The following SLC45A4 variants were observed in gnomAD, a reference collection of about 807,000 sequenced individuals.
SLC45A4 encodes the protein solute carrier family 45 member 4, also known as polyamine-transporter SLC45A4.
SLC45A4 carries 32 observed loss-of-function variants against 63.7 expected under a neutral mutation model. The ratio of observed to expected loss-of-function variants is 0.50; its 90% CI spans 0.38 to 0.67. SLC45A4 has a LOEUF of 0.67. SLC45A4 is among the 30% of genes least tolerant of loss of function. The pLI is 0.00. For missense variants in SLC45A4, 1,027 were observed against 1,157.7 expected (o/e 0.89, Z 1.64); for synonymous variants, 535 against 510.0 (o/e 1.05, Z -0.66).
intron 1 of SLC45A4, among the ~76,000 whole-genome samples, chr8:141,264,742 C>T (rs975834130): frequency 2.6e-5 from 4 of 152,228 alleles, no homozygotes; most frequent in African/African-American, 9.6e-5. Flanking sequence ...CTTCCATGGT[C>T]TTCCACATTG....
intron 1 of SLC45A4, among the ~76,000 whole-genome samples, chr8:141,281,142 C>T (rs1003280195): frequency 1.3e-5 from 2 of 152,098 alleles, no homozygotes; most frequent in African/African-American, 2.4e-5. Flanking sequence ...AGTTCGAGAC[C>T]AGCCTGGCCA....
chr8:141,243,861 A>G (rs1254088484), intron 2 of SLC45A4, among the ~76,000 whole-genome samples: 1 of 152,182 alleles, frequency 6.6e-6, no homozygotes, highest in Admixed American at 6.5e-5. Flanking sequence ...TAATTTTCTT[A>G]GCTATGTTTT....
chr8:141,255,401 T>C (rs887949664), intron 1 of SLC45A4, among the ~76,000 whole-genome samples: 2 of 152,160 alleles, frequency 1.3e-5, no homozygotes, highest in Admixed American at 6.5e-5. Context: ...CTGTAGACCC[T>C]GCCTGGAGAG....
chr8:141,207,256 G>A lies in SLC45A4; in HGVS notation c.*4316C>T, dbSNP rs1399823885. ...GGTTCTGTGTGCATGGAGGAAATCA[G>A]GGCGCCGCACAGCTGAACCCTGCGC... On this transcript the variant is annotated 3_prime_UTR_variant, in exon 9 of 9. Transcript: ENST00000517878. 2 of 152,400 alleles carry A rather than the reference G, an allele frequency of 1.3e-5. No homozygotes were observed. Among genetic ancestry groups the A allele is most frequent in the Non-Finnish European group, 2.9e-5 (2 of 68,158 alleles). 9.4% of individuals were successfully genotyped at this position (152,400 alleles called of 1,614,324 possible).
chr8:141,280,674 C>T (rs1335950237), intron 1 of SLC45A4, among the ~76,000 whole-genome samples: 3 of 152,268 alleles, frequency 2.0e-5, no homozygotes, highest in East Asian at 3.9e-4. Context: ...TGTGTTTTTG[C>T]CCCACCCGTA....
rs1827245517 is a variant in SLC45A4 at position 141,229,805 on chromosome 8, A to C, written c.242-8040T>G. ...CAGAAATGCTCGGCTCTGAGCTTGC[A>C]GCCCACCCCACTCTGGCTGCGGGAC... is the stretch of plus-strand genomic sequence containing the variant. On this transcript the variant is annotated intron_variant, in intron 2 of 8. Transcript: ENST00000517878. The surrounding 1 kb of genome is among the most constrained non-coding windows in gnomAD (Gnocchi z 5.0). Among the ~76,000 whole-genome samples the C allele has an allele frequency of 6.6e-6, 1 of 152,066 alleles. No individual in the cohort carries two copies. Among genetic ancestry groups the C allele is most frequent in the Admixed American group, 6.6e-5 (1 of 15,264 alleles).
intron 2 of SLC45A4, among the ~76,000 whole-genome samples, chr8:141,252,975 G>A (rs72681579): frequency 0.28 from 40,619 of 143,162 alleles, 5,988 homozygotes; most frequent in East Asian, 0.4. Context: ...GCGTGTCCGC[G>A]AATTTCCGTG....
intron 1 of SLC45A4, among the ~76,000 whole-genome samples, chr8:141,304,122 C>G (rs918831330): frequency 6.6e-6 from 1 of 152,140 alleles, no homozygotes; most frequent in African/African-American, 2.4e-5. Flanking sequence ...CAGCCCAGCC[C>G]CTCTAACTTA....
chr8:141,246,884 G>C (rs1026390006), intron 2 of SLC45A4, among the ~76,000 whole-genome samples: 7 of 152,204 alleles, frequency 4.6e-5, no homozygotes, highest in African/African-American at 1.7e-4. Context: ...GGAGGCTGAG[G>C]CAGGAGGATT....
intron 1 of SLC45A4, among the ~76,000 whole-genome samples, chr8:141,280,142 C>G (rs1829880912): frequency 6.6e-6 from 1 of 152,222 alleles, no homozygotes; most frequent in Admixed American, 6.5e-5. Flanking sequence ...CCACATGCAG[C>G]CCCCTGCGAG....
At chr8:141,271,863 G>A (rs976636139) in intron 1 of SLC45A4, among the ~76,000 whole-genome samples, 23 of 141,836 alleles carry the variant, frequency 1.6e-4, no homozygotes, top group African/African-American at 2.7e-4. Context: ...ACACACACAC[G>A]CACTCACACA....
intron 2 of SLC45A4, chr8:141,226,251 G>A (rs985351972): frequency 7.9e-5 from 12 of 152,428 alleles, no homozygotes; most frequent in African/African-American, 2.6e-4. Flanking sequence ...ACTGGCACTT[G>A]GCACATTCAA....
At chr8:141,253,173 A>G (rs938244402) in intron 2 of SLC45A4, 5 of 111,850 alleles carry the variant, frequency 4.5e-5, no homozygotes, top group African/African-American at 1.5e-4. Context: ...CCGTGTTTTC[A>G]TGCCCACCTG....
chr8:141,248,573 A>AT (rs953350167), intron 2 of SLC45A4, among the ~76,000 whole-genome samples: 8 of 151,818 alleles, frequency 5.3e-5, no homozygotes, highest in Admixed American at 3.9e-4. Context: ...TTAAAAAAAA[A>AT]AATAATAATA....
intron 1 of SLC45A4, among the ~76,000 whole-genome samples, chr8:141,267,582 G>A (rs1473168573): frequency 2.0e-5 from 3 of 152,202 alleles, no homozygotes; most frequent in Admixed American, 6.5e-5. Context: ...AAAGAGTAGC[G>A]TCTGCTCAGT....
intron 1 of SLC45A4, among the ~76,000 whole-genome samples, chr8:141,276,203 A>G (rs1829722020): frequency 6.6e-6 from 1 of 152,182 alleles, no homozygotes; most frequent in South Asian, 2.1e-4. Flanking sequence ...TGCCTGGCCA[A>G]ATTTACTTTT....
intron 2 of SLC45A4, among the ~76,000 whole-genome samples, chr8:141,244,953 T>TGGGGGGGGGG (rs1332452740): frequency 3.6e-5 from 1 of 27,762 alleles, no homozygotes; most frequent in Non-Finnish European, 6.1e-5. Flanking sequence ...CAAGAAGACG[T>TGGGGGGGGGG]GGGTGGGGGG....
intron 1 of SLC45A4, among the ~76,000 whole-genome samples, chr8:141,307,400 C>A (rs564372649): frequency 7.2e-5 from 11 of 152,242 alleles, no homozygotes; most frequent in African/African-American, 1.9e-4. Context: ...CACAAGGGAG[C>A]GCAGTGCCGA....
At chr8:141,279,353 C>G (rs1051749198) in intron 1 of SLC45A4, among the ~76,000 whole-genome samples, 1 of 152,270 alleles carries the variant, frequency 6.6e-6, no homozygotes, top group South Asian at 2.1e-4. Context: ...GCAGGACAGA[C>G]TCATAGCTGA....
Sources: gnomAD v4.1 joint callset for allele counts (sites outside exome capture counted in the v4.1 genomes callset) on GRCh38, gnomAD v4.1.1 for gene constraint, Gnocchi (gnomAD v3.1) non-coding constraint, MANE v1.5 for transcripts, NCBI Gene and HGNC (gene_info 2026-07-23, HGNC 2026-07-21) for gene names.